Variants in XKR9 observed in about 807,000 individuals in gnomAD.
XKR9 encodes the protein XK related 9, also known as XK-related protein 9.
In XKR9, 32 loss-of-function variants were observed where a neutral mutation model predicts 32.0. That is an observed-to-expected ratio of 1.00 (90% CI 0.76 to 1.34). The LOEUF is 1.34. XKR9 is among the 40% of genes most tolerant of loss of function. XKR9 has a pLI of 0.00. For synonymous variants in XKR9, 168 were observed against 143.4 expected, an observed-to-expected ratio of 1.17 and a Z score of -1.22; for missense variants, 546 against 429.7, an observed-to-expected ratio of 1.27 and a Z score of -2.39.
At chr8:70,740,104 G>C (rs914704134), downstream of XKR9, among the ~76,000 whole-genome samples, 2 of 152,150 alleles carry the variant, frequency 1.3e-5, no homozygotes, top group Admixed American at 6.5e-5. Flanking sequence ...TTCAGGTACA[G>C]CAATCAGATG....
the XKR9 span, among the ~76,000 whole-genome samples, chr8:70,815,104 G>T: frequency 6.6e-6 from 1 of 152,084 alleles, no homozygotes; most frequent in Non-Finnish European, 1.5e-5. Flanking sequence ...CAAACAAATG[G>T]AAAAACATTC....
chr8:70,777,303 TGCG>T (rs1807539428), intron 2 of XKR9, among the ~76,000 whole-genome samples: 1 of 152,132 alleles, frequency 6.6e-6, no homozygotes, highest in African/African-American at 2.4e-5. Context: ...TTTTTATGGC[TGCG>T]TAGTATTCCA....
At chr8:70,807,844 G>C in the XKR9 span, among the ~76,000 whole-genome samples, 2 of 152,004 alleles carry the variant, frequency 1.3e-5, no homozygotes. Flanking sequence ...GTCAATATTA[G>C]ACAGATCAAC....
At chr8:70,684,883 T>C (rs969373650) in intron 3 of XKR9, among the ~76,000 whole-genome samples, 8 of 147,872 alleles carry the variant, frequency 5.4e-5, no homozygotes, top group African/African-American at 2.0e-4. Flanking sequence ...AGGAACACTT[T>C]TACACTGTTG....
intron 3 of XKR9, among the ~76,000 whole-genome samples, chr8:70,686,165 A>G (rs1397915166): frequency 6.6e-6 from 1 of 151,534 alleles, no homozygotes; most frequent in Non-Finnish European, 1.5e-5. Flanking sequence ...TTCACAGGGT[A>G]CAGAATTCAC....
At position 70,707,040 on chromosome 8, in the gene XKR9, G is replaced by T. The variant is rs776832803; in HGVS notation, c.380G>T (p.Arg127Ile). 1.2e-6 allele frequency: 2 copies of T among 1,613,424 alleles called. No homozygotes were observed. Among genetic ancestry groups the T allele is most frequent in the South Asian group, 2.2e-5 (2 of 91,018 alleles). Residue 127 changes from arginine to isoleucine, a missense_variant, in exon 4 of 5, where the codon AGA becomes ATA. Coordinates refer to ENST00000408926, the MANE Select transcript of XKR9 (RefSeq NM_001011720.2). ...QIDLHKEVID[R>I]VTDLSMLRLF... ...GATCTACATAAAGAAGTTATAGATA[G>T]AGTGACTGATTTGAGCATGCTCAGA... is the stretch of plus-strand genomic sequence containing the variant.
At chr8:70,932,120 G>A in the XKR9 span, among the ~76,000 whole-genome samples, 1 of 151,724 alleles carries the variant, frequency 6.6e-6, no homozygotes, top group East Asian at 1.9e-4. Flanking sequence ...AAGTAGACAT[G>A]GTCTCTTCCC....
chr8:70,739,859 C>A (rs894944997), downstream of XKR9, among the ~76,000 whole-genome samples: 5 of 152,172 alleles, frequency 3.3e-5, no homozygotes, highest in African/African-American at 1.2e-4. Context: ...ATGGGCTTCC[C>A]TTTGTGGGTA....
chr8:70,837,873 A>G, the XKR9 span, among the ~76,000 whole-genome samples: 1 of 152,140 alleles, frequency 6.6e-6, no homozygotes, highest in African/African-American at 2.4e-5. Context: ...GGTGAAAACA[A>G]TTATCAACTA....
the XKR9 span, among the ~76,000 whole-genome samples, chr8:70,922,195 A>G: frequency 2.0e-5 from 3 of 152,164 alleles, no homozygotes; most frequent in Admixed American, 1.3e-4. Context: ...CCAGAACACA[A>G]GTTTCTCTTT....
chr8:71,016,574 A>G, the XKR9 span, among the ~76,000 whole-genome samples: 1 of 152,196 alleles, frequency 6.6e-6, no homozygotes, highest in Non-Finnish European at 1.5e-5. Flanking sequence ...GCTTTAGTGC[A>G]GGTCTGACAC....
chr8:71,054,606 G>T, the XKR9 span, among the ~76,000 whole-genome samples: 17 of 152,160 alleles, frequency 1.1e-4, no homozygotes, highest in African/African-American at 3.9e-4. Flanking sequence ...CATTACTCAT[G>T]AGGCTACTGG....
chr8:70,705,181 A>G lies in XKR9; in HGVS notation c.273-1752A>G, dbSNP rs199903392. On this transcript the variant is annotated intron_variant, in intron 3 of 4. Coordinates refer to ENST00000408926, the MANE Select transcript of XKR9 (RefSeq NM_001011720.2). Reference sequence around the variant, plus strand: ...CATCTATTTATCTTTATGGAAAAAAATGTCATGAGCTTTCATTTATTACTT... The same window carrying G: ...CATCTATTTATCTTTATGGAAAAAAGTGTCATGAGCTTTCATTTATTACTT... 2.0e-5 allele frequency among the ~76,000 whole-genome samples: 3 copies of G among 152,330 alleles called. No homozygotes were observed. In the East Asian group the frequency reaches 5.8e-4, roughly 29 times the overall value.
At chr8:70,878,446 A>C in the XKR9 span, among the ~76,000 whole-genome samples, 1 of 152,156 alleles carries the variant, frequency 6.6e-6, no homozygotes, top group African/African-American at 2.4e-5. Context: ...CTCAAAATAA[A>C]GGGGTGGAGG....
chr8:70,995,070 A>G, the XKR9 span, among the ~76,000 whole-genome samples: 1 of 152,240 alleles, frequency 6.6e-6, no homozygotes, highest in Admixed American at 6.5e-5. Context: ...GGACAACTTT[A>G]CAAACTATGT....
At chr8:71,062,635 C>A in the XKR9 span, among the ~76,000 whole-genome samples, 1 of 152,082 alleles carries the variant, frequency 6.6e-6, no homozygotes, top group Non-Finnish European at 1.5e-5. Flanking sequence ...TTTTGGTTTT[C>A]CAAGCTTTCC....
At chr8:70,764,465 C>A (rs1014535247) in intron 2 of XKR9, among the ~76,000 whole-genome samples, 1 of 152,116 alleles carries the variant, frequency 6.6e-6, no homozygotes, top group African/African-American at 2.4e-5. Flanking sequence ...AGTGCACTGG[C>A]AAAGAAAAGA....
intron 2 of XKR9, among the ~76,000 whole-genome samples, chr8:70,780,550 G>GA (rs1246742150): frequency 1.1e-4 from 16 of 152,040 alleles, no homozygotes; most frequent in Non-Finnish European, 1.8e-4. Flanking sequence ...TACAAGCCAG[G>GA]AAAGCGAAGG....
intron 2 of XKR9, among the ~76,000 whole-genome samples, chr8:70,770,257 G>T (rs1028924155): frequency 1.3e-5 from 2 of 152,138 alleles, no homozygotes; most frequent in African/African-American, 4.8e-5. Flanking sequence ...GTTTTCCTGG[G>T]CATCACCAGT....
Sources: allele counts gnomAD v4.1 joint callset (sites outside exome capture counted in the v4.1 genomes callset), GRCh38; gene constraint gnomAD v4.1.1; transcripts MANE v1.5; gene names NCBI Gene and HGNC (gene_info 2026-07-23, HGNC 2026-07-21).